The following PDE4B variants were observed in gnomAD, a reference collection of about 807,000 sequenced individuals.
The protein encoded by PDE4B is phosphodiesterase 4B.
Under a neutral mutation model 82.2 loss-of-function variants are expected in PDE4B, and 20 were observed. The ratio of observed to expected loss-of-function variants is 0.24; its 90% CI spans 0.17 to 0.35. The LOEUF is 0.35. Among genes scored for constraint, PDE4B ranks in the 10% least tolerant of loss-of-function variants. The pLI is 1.00. For missense variants in PDE4B, 655 were observed against 907.2 expected (o/e 0.72, Z 3.57); for synonymous variants, 320 against 318.9 (o/e 1.00, Z -0.04).
At chr1:66,345,098 T>G (rs1557715624) in intron 8 of PDE4B, among the ~76,000 whole-genome samples, 1 of 152,202 alleles carries the variant, frequency 6.6e-6, no homozygotes, top group Non-Finnish European at 1.5e-5. Context: ...AAGGTCTTAT[T>G]GTATCCCCAT....
At position 66,097,067 on chromosome 1, in the gene PDE4B, G is replaced by A. The variant is rs551037683; in HGVS notation, c.282-150393G>A. On this transcript the variant is annotated intron_variant, in intron 3 of 16. Transcript: ENST00000341517. ...TAATGAAGCTGGCATGAACATGTGA[G>A]TACAAGTTTTGTATGGACATAGTTT... Among the ~76,000 whole-genome samples, 6 of 152,070 alleles carry A rather than the reference G, an allele frequency of 3.9e-5. No homozygotes were observed. In the East Asian group the frequency reaches 7.7e-4, roughly 20 times the overall value.
intron 3 of PDE4B, among the ~76,000 whole-genome samples, chr1:66,020,738 C>G (rs1557503014): frequency 6.6e-6 from 1 of 152,108 alleles, no homozygotes; most frequent in South Asian, 2.1e-4. Flanking sequence ...GGGTTGGTTC[C>G]AAGTCTTTGC....
intron 1 of PDE4B, among the ~76,000 whole-genome samples, chr1:65,871,898 C>G (rs1022493959): frequency 2.6e-5 from 4 of 152,154 alleles, no homozygotes; most frequent in Non-Finnish European, 4.4e-5. Flanking sequence ...TGATTTTCAA[C>G]TCTTGAATAC....
chr1:66,171,648 G>A (rs1232126141), intron 3 of PDE4B, among the ~76,000 whole-genome samples: 2 of 152,094 alleles, frequency 1.3e-5, no homozygotes, highest in Non-Finnish European at 2.9e-5. Flanking sequence ...GATCAATACT[G>A]TTGAAAATTA....
intron 9 of PDE4B, 96 bp from the exon 10 acceptor site, chr1:66,361,519 T>A (rs1246391950): frequency 2.2e-6 from 2 of 911,406 alleles, no homozygotes; most frequent in Non-Finnish European, 3.3e-6. Flanking sequence ...TTTATAAGAT[T>A]CTAAAGCTGT....
chr1:66,055,714 A>C (rs1655257091), intron 3 of PDE4B, among the ~76,000 whole-genome samples: 1 of 152,212 alleles, frequency 6.6e-6, no homozygotes, highest in Non-Finnish European at 1.5e-5. Context: ...CAGGTATTTT[A>C]ATTTAAAAGC....
intron 1 of PDE4B, among the ~76,000 whole-genome samples, chr1:65,854,169 A>G (rs577888959): frequency 2.0e-4 from 30 of 151,710 alleles, no homozygotes; most frequent in African/African-American, 7.3e-4. Context: ...CTCTCCTTTT[A>G]AAAGACTGTA....
chr1:65,911,642 T>G (rs778245528), intron 1 of PDE4B, among the ~76,000 whole-genome samples: 8 of 152,154 alleles, frequency 5.3e-5, no homozygotes, highest in Non-Finnish European at 8.8e-5. Flanking sequence ...GTAAAAGTAT[T>G]AAAATTCTGC....
chr1:66,202,262 A>T (rs1084488), intron 3 of PDE4B, among the ~76,000 whole-genome samples: 70,442 of 140,964 alleles, frequency 0.5, 16,499 homozygotes, highest in African/African-American at 0.56. Context: ...GTGTTTTACT[A>T]CCAACTATGT....
At chr1:66,343,146 T>TATAAATC (rs1325953169) in intron 8 of PDE4B, among the ~76,000 whole-genome samples, 2 of 152,176 alleles carry the variant, frequency 1.3e-5, no homozygotes, top group Admixed American at 1.3e-4. Context: ...GAATCATTTG[T>TATAAATC]GTATAAAAAG....
At chr1:66,366,216 A>G (rs1570787601) in intron 13 of PDE4B, among the ~76,000 whole-genome samples, 1 of 152,260 alleles carries the variant, frequency 6.6e-6, no homozygotes, top group Non-Finnish European at 1.5e-5. Flanking sequence ...AAGATGCCAT[A>G]AAAAGCACTG....
At chr1:66,277,055 G>C (rs573103108) in intron 7 of PDE4B, among the ~76,000 whole-genome samples, 1 of 152,138 alleles carries the variant, frequency 6.6e-6, no homozygotes, top group African/African-American at 2.4e-5. Flanking sequence ...TCATTCTGGG[G>C]CCTAAAGTAG....
At chr1:66,064,657 A>C (rs1557535367) in intron 3 of PDE4B, among the ~76,000 whole-genome samples, 1 of 151,890 alleles carries the variant, frequency 6.6e-6, no homozygotes, top group Non-Finnish European at 1.5e-5. Flanking sequence ...CTGAAGTCTA[A>C]TGTTTCCTGA....
intron 3 of PDE4B, among the ~76,000 whole-genome samples, chr1:66,079,908 C>G (rs2100955615): frequency 6.6e-6 from 1 of 152,152 alleles, no homozygotes; most frequent in Admixed American, 6.6e-5. Flanking sequence ...TATATACTAA[C>G]AAGCTTTAAT....
intron 3 of PDE4B, among the ~76,000 whole-genome samples, chr1:66,130,281 G>A (rs950650271): frequency 3.9e-5 from 6 of 152,208 alleles, no homozygotes; most frequent in Admixed American, 6.5e-5. Flanking sequence ...AGACAGTAGC[G>A]TACAGGAAAC....
intron 8 of PDE4B, among the ~76,000 whole-genome samples, chr1:66,339,089 G>A (rs1002877506): frequency 6.6e-5 from 10 of 151,974 alleles, no homozygotes; most frequent in Admixed American, 3.9e-4. Flanking sequence ...AATGATTTGG[G>A]CAATTTCATT....
intron 3 of PDE4B, among the ~76,000 whole-genome samples, chr1:65,961,556 C>T (rs534645035): frequency 6.6e-6 from 1 of 152,042 alleles, no homozygotes; most frequent in Non-Finnish European, 1.5e-5. Context: ...TCCTTACAAC[C>T]CTCCCAAATA....
At chr1:66,005,776 A>T (rs1652115418) in intron 3 of PDE4B, among the ~76,000 whole-genome samples, 1 of 152,202 alleles carries the variant, frequency 6.6e-6, no homozygotes, top group South Asian at 2.1e-4. Context: ...AGCTTTGCAG[A>T]GTCTAATATT....
chr1:66,105,890 T>G (rs1241099597), intron 3 of PDE4B, among the ~76,000 whole-genome samples: 37 of 151,978 alleles, frequency 2.4e-4, no homozygotes, highest in East Asian at 1.7e-3. Flanking sequence ...TGCAAACAGG[T>G]ACAATTTGAC....
Sources: gnomAD v4.1 joint callset for allele counts (sites outside exome capture counted in the v4.1 genomes callset) on GRCh38, gnomAD v4.1.1 for gene constraint, MANE v1.5 for transcripts, NCBI Gene and HGNC (gene_info 2026-07-23, HGNC 2026-07-21) for gene names.